Variants in TWSG1 observed in about 807,000 individuals in gnomAD.
TWSG1 encodes twisted gastrulation BMP signaling modulator 1.
Under a neutral mutation model 23.0 loss-of-function variants are expected in TWSG1, and 15 were observed. That is an observed-to-expected ratio of 0.65 (90% CI 0.44 to 1.00). The LOEUF is 1.00. TWSG1 is among the 50% of genes least tolerant of loss of function. The pLI, the probability that TWSG1 is intolerant of heterozygous loss-of-function variation, is 0.00. For missense variants in TWSG1, 242 were observed against 278.7 expected, an observed-to-expected ratio of 0.87 and a Z score of 0.94; for synonymous variants, 86 against 92.8, an observed-to-expected ratio of 0.93 and a Z score of 0.42.
chr18:9,385,565 T>G lies in TWSG1; in HGVS notation c.224-10715T>G, dbSNP rs1352742380. ...TTAGCCGGGCGCGGTGGCGGGCGCC[T>G]GTAGTCCCAGCTACTCGGGAGGCTG... On this transcript the variant is annotated intron_variant, in intron 3 of 4. Coordinates refer to ENST00000262120, the MANE Select transcript of TWSG1 (RefSeq NM_020648.6). Among the ~76,000 whole-genome samples, 3 of 94,440 alleles carry G rather than the reference T, an allele frequency of 3.2e-5. 1 individual carries two copies. The highest frequency in any genetic ancestry group is 4.3e-5 in the Non-Finnish European group (2 of 47,000). 62.0% of individuals were successfully genotyped at this position (94,440 alleles called of 152,430 possible). A position where few individuals can be genotyped will look rare whatever the true frequency, so the allele number is the denominator to read the frequency against.
intron 3 of TWSG1, among the ~76,000 whole-genome samples, chr18:9,361,182 C>T (rs1333425836): frequency 6.6e-6 from 1 of 152,100 alleles, no homozygotes; most frequent in Non-Finnish European, 1.5e-5. Context: ...CTAATCTTTT[C>T]ACCCTTGTAT....
At chr18:9,361,599 C>G (rs188792956) in intron 3 of TWSG1, among the ~76,000 whole-genome samples, 8 of 152,328 alleles carry the variant, frequency 5.3e-5, no homozygotes, top group South Asian at 2.1e-4. Context: ...AGAAAGATCT[C>G]CTGGTTTCCT....
chr18:9,339,072 A>G (rs769088453), intron 2 of TWSG1, among the ~76,000 whole-genome samples: 1 of 151,878 alleles, frequency 6.6e-6, no homozygotes, highest in Non-Finnish European at 1.5e-5. Context: ...GGGCATGATC[A>G]TGTACACCTG....
chr18:9,365,630 CT>C (rs1039219794), intron 3 of TWSG1, among the ~76,000 whole-genome samples: 4 of 151,066 alleles, frequency 2.6e-5, no homozygotes, highest in African/African-American at 9.8e-5. Flanking sequence ...TGAGCCATGT[CT>C]GAGTCACTGC....
intron 3 of TWSG1, among the ~76,000 whole-genome samples, chr18:9,380,879 A>G (rs1177000028): frequency 6.6e-6 from 1 of 152,212 alleles, no homozygotes; most frequent in African/African-American, 2.4e-5. Flanking sequence ...AGACAATGCC[A>G]TGCCCTCATT....
chr18:9,343,250 A>ATC (rs1344276444), intron 2 of TWSG1, among the ~76,000 whole-genome samples: 2 of 38,842 alleles, frequency 5.1e-5, no homozygotes, highest in African/African-American at 1.8e-4. Context: ...ATATATATAT[A>ATC]TATATATATA....
intron 3 of TWSG1, among the ~76,000 whole-genome samples, chr18:9,371,146 A>G (rs953831646): frequency 6.6e-6 from 1 of 152,128 alleles, no homozygotes; most frequent in Non-Finnish European, 1.5e-5. Context: ...ATTGCTTATA[A>G]AAGTCCCTTA....
chr18:9,397,645 T>G (rs1308962515), intron 4 of TWSG1, among the ~76,000 whole-genome samples: 1 of 152,216 alleles, frequency 6.6e-6, no homozygotes, highest in Non-Finnish European at 1.5e-5. Context: ...GTGAATTATG[T>G]ATAAATAGTA....
intron 2 of TWSG1, among the ~76,000 whole-genome samples, chr18:9,356,826 C>T (rs540975192): frequency 6.6e-6 from 1 of 152,010 alleles, no homozygotes; most frequent in African/African-American, 2.4e-5. Flanking sequence ...ATCCAAAACA[C>T]TTTTGGTACC....
chr18:9,349,291 G>GA (rs1192248773), intron 2 of TWSG1, among the ~76,000 whole-genome samples: 2 of 152,098 alleles, frequency 1.3e-5, no homozygotes, highest in Non-Finnish European at 2.9e-5. Flanking sequence ...ATTAAGAGTG[G>GA]AAAAACTCCT....
At chr18:9,355,491 C>T (rs2040522313) in intron 2 of TWSG1, among the ~76,000 whole-genome samples, 1 of 152,108 alleles carries the variant, frequency 6.6e-6, no homozygotes, top group African/African-American at 2.4e-5. Context: ...TAAATATGTT[C>T]ACAACCAAAC....
chr18:9,351,846 G>A (rs531515462), intron 2 of TWSG1, among the ~76,000 whole-genome samples: 1 of 151,972 alleles, frequency 6.6e-6, no homozygotes, highest in Admixed American at 6.6e-5. Flanking sequence ...GGGTTTCGCT[G>A]TATTGGCCAG....
chr18:9,356,614 C>T (rs1226453221), intron 2 of TWSG1, among the ~76,000 whole-genome samples: 6 of 152,144 alleles, frequency 3.9e-5, no homozygotes, highest in African/African-American at 1.2e-4. Context: ...TAATTTGTTT[C>T]TCCTTAGTTT....
At chr18:9,355,718 A>G (rs990470576) in intron 2 of TWSG1, among the ~76,000 whole-genome samples, 2 of 152,206 alleles carry the variant, frequency 1.3e-5, no homozygotes, top group Non-Finnish European at 2.9e-5. Context: ...AAATTTGCCT[A>G]TTATATTTCT....
At position 9,391,780 on chromosome 18, in the gene TWSG1, ACT is replaced by A. The variant is rs374723142; in HGVS notation, c.224-4494_224-4493del. Among the ~76,000 whole-genome samples the A allele has an allele frequency of 5.9e-3, 905 of 152,252 alleles. 2 individuals carry two copies. Among genetic ancestry groups the A allele is most frequent in the South Asian group, 0.019 (93 of 4,822 alleles). ...ATAATAAGACTTGCAAGTTGAAATGACTCTCTCAACCTTGGGTTTCAGAACAG... is the reference window on the plus strand; with the variant it reads ...ATAATAAGACTTGCAAGTTGAAATGACTCTCAACCTTGGGTTTCAGAACAG... On this transcript the variant is annotated intron_variant, in intron 3 of 4. Coordinates refer to ENST00000262120, the MANE Select transcript of TWSG1 (RefSeq NM_020648.6).
intron 2 of TWSG1, among the ~76,000 whole-genome samples, chr18:9,351,015 C>T (rs1037954190): frequency 6.6e-6 from 1 of 151,962 alleles, no homozygotes; most frequent in African/African-American, 2.4e-5. Flanking sequence ...TCATTGATTA[C>T]TTATGCTTAC....
At position 9,344,531 on chromosome 18, in the gene TWSG1, A is replaced by ATGTTTGTT. The variant is rs756535502; in HGVS notation, c.123+7180_123+7181insGTTTGTTT. 2.0e-5 allele frequency among the ~76,000 whole-genome samples: 2 copies of ATGTTTGTT among 102,100 alleles called. 1 individual carries two copies. The highest frequency in any genetic ancestry group is 7.4e-5 in the African/African-American group (2 of 27,008). 67.0% of individuals were successfully genotyped at this position (102,100 alleles called of 152,430 possible). On this transcript the variant is annotated intron_variant, in intron 2 of 4. Coordinates refer to ENST00000262120, the MANE Select transcript of TWSG1 (RefSeq NM_020648.6). ...TGTGTGTGTGTGTGTGTATGTATGTATTTTTTTTTTTTTTTGAGAGAGGAT... is the reference window on the plus strand; with the variant it reads ...TGTGTGTGTGTGTGTGTATGTATGTATGTTTGTTTTTTTTTTTTTTTTTGAGAGAGGAT...
rs532297028 is a variant in TWSG1, at chr18:9,396,488, C to A, written c.432C>A (p.His144Gln). 4 of 1,614,004 alleles carry A rather than the reference C, an allele frequency of 2.5e-6. No individual in the cohort carries two copies. In the East Asian group the frequency reaches 8.9e-5, roughly 36 times the overall value. The change falls in exon 4 of 5, where the codon CAC becomes CAA. Residue 144 changes from histidine to glutamine, a missense_variant. Physicochemically the swap from His to Gln is conservative, Grantham distance 24. Transcript: ENST00000262120. ...VSFLETVNQPHHQNVSVPSNN... is the reference protein window; with the variant it reads ...VSFLETVNQPQHQNVSVPSNN... ...TTTTAGAAACTGTGAACCAGCCACA[C>A]CACCAGAATGTGTCTGTCCCCAGCA...
At chr18:9,360,725 G>C (rs2040548589) in intron 3 of TWSG1, among the ~76,000 whole-genome samples, 1 of 152,072 alleles carries the variant, frequency 6.6e-6, no homozygotes, top group South Asian at 2.1e-4. Flanking sequence ...TCATCATATT[G>C]ATCTTTTTTA....
Sources: allele counts gnomAD v4.1 joint callset (sites outside exome capture counted in the v4.1 genomes callset), GRCh38; gene constraint gnomAD v4.1.1; transcripts MANE v1.5; gene names NCBI Gene and HGNC (gene_info 2026-07-23, HGNC 2026-07-21).